LRIG1: variants seen among roughly 807,000 people sequenced by gnomAD.
LRIG1 encodes leucine-rich repeats and immunoglobulin-like domains protein 1.
LRIG1 carries 48 observed loss-of-function variants against 99.2 expected under a neutral mutation model. That is an observed-to-expected ratio of 0.48 (90% CI 0.38 to 0.62). The LOEUF (loss-of-function observed/expected upper bound fraction) is 0.62. LRIG1 is among the 20% of genes least tolerant of loss of function. The pLI is 0.00. For synonymous variants in LRIG1, 772 were observed against 596.1 expected (o/e 1.29, Z -4.30); for missense variants, 1,646 against 1,434.4 (o/e 1.15, Z -2.38).
chr3:66,494,008 G>C (rs75828388), intron 1 of LRIG1, among the ~76,000 whole-genome samples: 6 of 150,800 alleles, frequency 4.0e-5, no homozygotes, highest in African/African-American at 1.5e-4. Flanking sequence ...GGAAGGGAGT[G>C]GGGGAGGGAA....
rs1342753909 is a variant in LRIG1, at chr3:66,500,440, G to C, written c.-33C>G. The C allele has an allele frequency of 2.7e-5, 35 of 1,315,502 alleles. No homozygotes were observed. The highest frequency in any genetic ancestry group is 3.2e-5 in the Non-Finnish European group (33 of 1,027,516). The allele number at this position is 1,315,502 out of a possible 1,614,324, so 81.5% of individuals were successfully genotyped here. A position where few individuals can be genotyped will look rare whatever the true frequency, so the allele number is the denominator to read the frequency against. On this transcript the variant is annotated 5_prime_UTR_variant, in exon 1 of 19. Coordinates refer to ENST00000273261, the MANE Select transcript of LRIG1 (RefSeq NM_015541.3). Reference sequence around the variant, plus strand: ...GGAGCGCGCTGCGAACTCCGGGCGCGGGGACTGTGAGGACCCGAACGGCCG... The same window carrying C: ...GGAGCGCGCTGCGAACTCCGGGCGCCGGGACTGTGAGGACCCGAACGGCCG...
chr3:66,404,410 T>G, intron 9 of LRIG1: 2 of 1,233,588 alleles, frequency 1.6e-6, no homozygotes, highest in Non-Finnish European at 2.1e-6. Flanking sequence ...ACAGTAATAA[T>G]GACTCTCGTC....
chr3:66,432,335 A>G (rs1703199710), intron 3 of LRIG1, among the ~76,000 whole-genome samples: 1 of 152,224 alleles, frequency 6.6e-6, no homozygotes, highest in African/African-American at 2.4e-5. Context: ...AGTGGTTCCA[A>G]TGCTGCACAG....
At chr3:66,497,500 T>C (rs956126251) in intron 1 of LRIG1, among the ~76,000 whole-genome samples, 1 of 152,072 alleles carries the variant, frequency 6.6e-6, no homozygotes, top group Non-Finnish European at 1.5e-5. Context: ...ACCTACGTAA[T>C]GGGCTGGGAG....
chr3:66,386,328 G>A (rs1701372619), intron 12 of LRIG1, 27 bp from the exon 13 acceptor site: 1 of 1,597,132 alleles, frequency 6.3e-7, no homozygotes, highest in Non-Finnish European at 8.6e-7. Context: ...CAACTGTAAA[G>A]CGCTGGGTTC....
At chr3:66,392,604 G>A (rs569373855) in intron 12 of LRIG1, among the ~76,000 whole-genome samples, 3 of 149,042 alleles carry the variant, frequency 2.0e-5, no homozygotes, top group African/African-American at 2.5e-5. Flanking sequence ...GTTTTTAGAG[G>A]GGGGGAAGCT....
chr3:66,420,354 G>T (rs1264385113), intron 3 of LRIG1, among the ~76,000 whole-genome samples: 3 of 152,208 alleles, frequency 2.0e-5, no homozygotes, highest in South Asian at 2.1e-4. Context: ...AACCCTGTAT[G>T]CCAGTGGTAG....
rs546609412 is a variant in LRIG1 at position 66,407,316 on chromosome 3, C to T, written c.1079+32G>A. 7 of 1,613,248 alleles carry T rather than the reference C, an allele frequency of 4.3e-6. No individual in the cohort carries two copies. The South Asian group carries it at 5.5e-5, about 13-fold the overall frequency. ...TCTATTCTGCTCTCCCCACTGGGGA[C>T]CCCTTTATCCTGTCAGTAGTGGGAG... is the stretch of plus-strand genomic sequence containing the variant. On this transcript the variant is annotated intron_variant, in intron 8 of 18. Coordinates refer to ENST00000273261, the MANE Select transcript of LRIG1 (RefSeq NM_015541.3).
chr3:66,418,451 A>C (rs1702693329), intron 3 of LRIG1, among the ~76,000 whole-genome samples: 1 of 152,212 alleles, frequency 6.6e-6, no homozygotes, highest in African/African-American at 2.4e-5. Flanking sequence ...CAACAGTTAT[A>C]AGTCAAGAGA....
rs943862694 is a variant in LRIG1, at chr3:66,500,681, C to A, written c.-274G>T. 8.3e-5 allele frequency: 22 copies of A among 263,650 alleles called. No homozygotes were observed. Among genetic ancestry groups the A allele is most frequent in the Non-Finnish European group, 2.8e-5 (4 of 140,738 alleles). The allele number at this position is 263,650 out of a possible 1,614,324, so 16.3% of individuals were successfully genotyped here. ...TAGCTGCGAACTCCGCCGATTCGGG[C>A]AAGGTGTACCCAGCCTGCGCTCTTC... On this transcript the variant is annotated 5_prime_UTR_variant, in exon 1 of 19. Transcript: ENST00000273261.
chr3:66,407,625 A>G (rs889632383), intron 7 of LRIG1, 134 bp from the exon 8 acceptor site: 90 of 855,698 alleles, frequency 1.1e-4, no homozygotes, highest in Middle Eastern at 3.5e-4. Context: ...GCGTGCGTGC[A>G]CACACACACC....
Position 66,380,487 on chromosome 3 carries a change from C to T in LRIG1, c.3058G>A (p.Asp1020Asn). The T allele has an allele frequency of 1.2e-6, 2 of 1,614,160 alleles. No individual in the cohort carries two copies. Among genetic ancestry groups the T allele is most frequent in the Non-Finnish European group, 1.7e-6 (2 of 1,180,004 alleles). The change falls in exon 19 of 19, where the codon GAT (aspartate) becomes AAT (asparagine). Residue 1020 changes from aspartate to asparagine, a missense_variant and splice_region_variant. Transcript: ENST00000273261. The stretch of plus-strand genomic sequence containing the variant: ...AACCTTGCTAAAGTCCAGGAAGAAT[C>T]CCCTACAAGGAAAGAACGAACCTGT... ...KPMASLDGKG[D>N]SSWTLARLYH...
intron 1 of LRIG1, among the ~76,000 whole-genome samples, chr3:66,472,120 C>T (rs916034742): frequency 2.6e-5 from 4 of 151,830 alleles, no homozygotes; most frequent in African/African-American, 7.3e-5. Flanking sequence ...CTGGCTAACA[C>T]GATGAAATCC....
Position 66,392,951 on chromosome 3 carries a change from T to G in LRIG1, c.1468+1089A>C, listed in dbSNP as rs141867209. Among the ~76,000 whole-genome samples the G allele has an allele frequency of 3.2e-4, 49 of 152,288 alleles. No individual in the cohort carries two copies. The East Asian group carries it at 9.3e-3, about 29-fold the overall frequency. Reference sequence around the variant, plus strand: ...AGACAGATCGGTATGAAAAGTCAGTTTGGAGAGCTGCTGCCATGTTCGCAG... The same window carrying G: ...AGACAGATCGGTATGAAAAGTCAGTGTGGAGAGCTGCTGCCATGTTCGCAG... On this transcript the variant is annotated intron_variant, in intron 12 of 18. Transcript: ENST00000273261.
intron 3 of LRIG1, among the ~76,000 whole-genome samples, chr3:66,438,975 G>C (rs1336232602): frequency 6.6e-6 from 1 of 152,226 alleles, no homozygotes; most frequent in Non-Finnish European, 1.5e-5. Context: ...TCTTTTCCAG[G>C]GAATGGGGGA....
chr3:66,388,432 A>G (rs962333356), intron 12 of LRIG1, among the ~76,000 whole-genome samples: 9 of 152,180 alleles, frequency 5.9e-5, no homozygotes, highest in Non-Finnish European at 8.8e-5. Flanking sequence ...GAAGAAAGAA[A>G]AAGGAAGAGA....
rs79974164 is a variant in LRIG1 at position 66,387,032 on chromosome 3, C to G, written c.1469-731G>C. On this transcript the variant is annotated intron_variant, in intron 12 of 18. Coordinates refer to ENST00000273261, the MANE Select transcript of LRIG1 (RefSeq NM_015541.3). ...CCATGTGGCCTATCTGGCAGCAACA[C>G]GGAAAGCCCCATTCACAGGATTTGC... 3 of 149,640 alleles carry G rather than the reference C, an allele frequency of 2.0e-5. No individual in the cohort carries two copies. In the East Asian group the frequency reaches 5.9e-4, roughly 30 times the overall value. The allele number at this position is 149,640 out of a possible 1,614,324, so 9.3% of individuals were successfully genotyped here. A position where few individuals can be genotyped will look rare whatever the true frequency, so the allele number is the denominator to read the frequency against.
At chr3:66,401,739 C>T (rs1702065146) in intron 9 of LRIG1, 1 of 1,224,442 alleles carries the variant, frequency 8.2e-7, no homozygotes, top group Admixed American at 2.4e-5. Flanking sequence ...ATTTCTGTAC[C>T]ACAGCCGGGC....
chr3:66,437,800 G>A (rs1173284636), intron 3 of LRIG1, among the ~76,000 whole-genome samples: 5 of 152,150 alleles, frequency 3.3e-5, no homozygotes, highest in Non-Finnish European at 7.3e-5. Context: ...AGTGGCAGAG[G>A]GGAACACAAC....
Sources: allele counts gnomAD v4.1 joint callset (sites outside exome capture counted in the v4.1 genomes callset), GRCh38; gene constraint gnomAD v4.1.1; transcripts MANE v1.5; gene names NCBI Gene and HGNC (gene_info 2026-07-23, HGNC 2026-07-21).